Variants in ATP9A observed in about 807,000 individuals in gnomAD.
The protein encoded by ATP9A is ATPase phospholipid transporting 9A.
A neutral mutation model predicts 144.1 loss-of-function variants in ATP9A; 52 were observed. The ratio of observed to expected loss-of-function variants is 0.36; its 90% confidence interval spans 0.29 to 0.45. The LOEUF is 0.45. Ranked by LOEUF, ATP9A falls within the 20% of genes least tolerant of loss-of-function variation. The pLI is 1.00. For synonymous variants in ATP9A, 582 were observed against 557.4 expected, an observed-to-expected ratio of 1.04 and a Z score of -0.62; for missense variants, 947 against 1,392.7, an observed-to-expected ratio of 0.68 and a Z score of 5.09.
intron 4 of ATP9A, among the ~76,000 whole-genome samples, chr20:51,699,333 C>CAAAAAAA (rs74175569): frequency 1.1e-4 from 8 of 70,390 alleles, no homozygotes; most frequent in African/African-American, 2.1e-4. Flanking sequence ...AACTCAATCT[C>CAAAAAAA]AAAAAAAAAA....
At chr20:51,676,370 C>T (rs1426675890) in intron 9 of ATP9A, among the ~76,000 whole-genome samples, 162 bp from the exon 10 acceptor site, 1 of 151,208 alleles carries the variant, frequency 6.6e-6, no homozygotes, top group Non-Finnish European at 1.5e-5. Flanking sequence ...AGTGCAGTGG[C>T]ACAACATGGG....
At position 51,601,143 on chromosome 20, in the gene ATP9A, AAATGG is replaced by A. The variant is rs1192845239; in HGVS notation, c.*63_*67del. On this transcript the variant is annotated 3_prime_UTR_variant, in exon 28 of 28. Coordinates refer to ENST00000338821, the MANE Select transcript of ATP9A (RefSeq NM_006045.3). ...AAAATCCACAGGTGGCGGTTAATAT[AAATGG>A]AACTTGAGCTCTGTCCATCAGGGAA... The A allele has an allele frequency of 6.7e-7, 1 of 1,499,354 alleles. No individual in the cohort carries two copies. The highest frequency in any genetic ancestry group is 8.9e-7 in the Non-Finnish European group (1 of 1,120,466). 92.9% of individuals were successfully genotyped at this position (1,499,354 alleles called of 1,614,324 possible). A position where few individuals can be genotyped will look rare whatever the true frequency, so the allele number is the denominator to read the frequency against.
chr20:51,627,359 T>C (rs1370576107), intron 17 of ATP9A, among the ~76,000 whole-genome samples: 1 of 152,124 alleles, frequency 6.6e-6, no homozygotes, highest in African/African-American at 2.4e-5. Context: ...GGAAGACTTC[T>C]TGGAGGACGT....
intron 1 of ATP9A, among the ~76,000 whole-genome samples, chr20:51,753,400 G>A (rs765118461): frequency 9.9e-5 from 15 of 151,846 alleles, no homozygotes; most frequent in African/African-American, 2.4e-4. Context: ...GCAGTGAGCC[G>A]AAATCATGCC....
chr20:51,633,741 G>A (rs1386866719), intron 15 of ATP9A, among the ~76,000 whole-genome samples: 1 of 149,700 alleles, frequency 6.7e-6, no homozygotes, highest in Admixed American at 6.8e-5. Context: ...GTGAGACTCT[G>A]TCTTGAGAAA....
chr20:51,720,180 A>G (rs780776128), intron 3 of ATP9A, among the ~76,000 whole-genome samples: 16 of 152,234 alleles, frequency 1.1e-4, no homozygotes, highest in Non-Finnish European at 1.6e-4. Flanking sequence ...CAAAAGGAAC[A>G]TTTGTATATT....
intron 1 of ATP9A, among the ~76,000 whole-genome samples, chr20:51,747,735 A>G (rs913235049): frequency 6.6e-6 from 1 of 152,042 alleles, no homozygotes; most frequent in Non-Finnish European, 1.5e-5. Flanking sequence ...GCTGCTCAGC[A>G]GACCTGACTC....
At chr20:51,751,733 G>A (rs1032601787) in intron 1 of ATP9A, among the ~76,000 whole-genome samples, 195 of 152,162 alleles carry the variant, frequency 1.3e-3, no homozygotes, top group Non-Finnish European at 2.1e-3. Context: ...GACTGCAGGC[G>A]CCCACCACCA....
intron 9 of ATP9A, among the ~76,000 whole-genome samples, chr20:51,682,538 G>C (rs1001726888): frequency 7.6e-6 from 1 of 131,030 alleles, no homozygotes; most frequent in Admixed American, 8.2e-5. Context: ...ATTTGACCCA[G>C]ACATCCTCTG....
At chr20:51,713,670 C>T (rs989108321) in intron 3 of ATP9A, among the ~76,000 whole-genome samples, 1 of 152,124 alleles carries the variant, frequency 6.6e-6, no homozygotes, top group Non-Finnish European at 1.5e-5. Context: ...AGAGGGACCA[C>T]CAGGCAACAG....
intron 1 of ATP9A, among the ~76,000 whole-genome samples, chr20:51,747,246 C>T (rs943462463): frequency 6.6e-6 from 1 of 152,092 alleles, no homozygotes; most frequent in African/African-American, 2.4e-5. Context: ...ATATCAATCA[C>T]CTCATGAGAA....
chr20:51,692,484 TGGGGCTGGAGGGGGAGCGTG>T (rs2077552644), intron 7 of ATP9A, among the ~76,000 whole-genome samples: 1 of 151,948 alleles, frequency 6.6e-6, no homozygotes, highest in Non-Finnish European at 1.5e-5. Flanking sequence ...TCACGTGAAG[TGGGGCTGGAGGGGGAGCGTG>T]GGGTCCTGGA....
chr20:51,607,501 A>C lies in ATP9A; in HGVS notation c.2803+26T>G, dbSNP rs140801520. On this transcript the variant is annotated intron_variant, in intron 26 of 27. Coordinates refer to ENST00000338821, the MANE Select transcript of ATP9A (RefSeq NM_006045.3). ...CTGAGTCAGTACCAGAGCACAAGACAAACAGGTGTCTCCACTCATCCTTAC... is the reference window on the plus strand; with the variant it reads ...CTGAGTCAGTACCAGAGCACAAGACCAACAGGTGTCTCCACTCATCCTTAC... 3.0e-4 allele frequency: 477 copies of C among 1,589,516 alleles called. 1 individual carries two copies. The East Asian group carries it at 9.7e-3, about 32-fold the overall frequency.
At position 51,690,767 on chromosome 20, in the gene ATP9A, A is replaced by C. The variant is rs1273147374; in HGVS notation, c.695T>G (p.Ile232Ser). The change falls in exon 8 of 28, where the codon ATT becomes AGT. Residue 232 changes from isoleucine (I) to serine (S), a missense_variant. Ile to Ser is a moderately radical substitution (Grantham distance 142, BLOSUM62 -2). This residue lies in a region of ATP9A where 770 missense variants were observed against 1,047.9 expected (regional missense o/e 0.73). Transcript: ENST00000338821. ...YVYAEEPNID[I>S]HNFVGTFTRE... ...GGTAAAAGTTCCCACGAAGTTGTGAATGTCAATATTTGGCTCTTCTGCGTA... is the reference window on the plus strand; with the variant it reads ...GGTAAAAGTTCCCACGAAGTTGTGACTGTCAATATTTGGCTCTTCTGCGTA... The C allele has an allele frequency of 6.2e-7, 1 of 1,614,194 alleles. No homozygotes were observed. The highest frequency in any genetic ancestry group is 1.3e-5 in the African/African-American group (1 of 75,052).
chr20:51,690,401 C>T (rs2122817644), intron 8 of ATP9A, among the ~76,000 whole-genome samples: 1 of 152,118 alleles, frequency 6.6e-6, no homozygotes, highest in East Asian at 1.9e-4. Context: ...GCCTGGGCAA[C>T]AGAGCAAGAC....
intron 15 of ATP9A, among the ~76,000 whole-genome samples, chr20:51,633,077 T>C (rs1028563153): frequency 6.6e-5 from 10 of 151,958 alleles, no homozygotes; most frequent in Non-Finnish European, 8.8e-5. Context: ...TGAGCTGAGA[T>C]TGCACCACTG....
intron 14 of ATP9A, among the ~76,000 whole-genome samples, chr20:51,646,095 T>G (rs1182424322): frequency 6.6e-6 from 1 of 152,162 alleles, no homozygotes; most frequent in Non-Finnish European, 1.5e-5. Flanking sequence ...GTTTTCTCCT[T>G]TGGGTGACAA....
chr20:51,697,029 G>C (rs13044013), intron 5 of ATP9A, among the ~76,000 whole-genome samples: 5,432 of 152,226 alleles, frequency 0.036, 135 homozygotes, highest in African/African-American at 0.067. Context: ...ACAATGGTTA[G>C]GTCAGGAAAT....
chr20:51,619,801 G>A (rs2077219087), intron 19 of ATP9A, among the ~76,000 whole-genome samples: 1 of 150,374 alleles, frequency 6.7e-6, no homozygotes, highest in African/African-American at 2.5e-5. Flanking sequence ...CCTGGGAGGT[G>A]GAGGTTGCGG....
Sources: gnomAD v4.1 joint callset for allele counts (sites outside exome capture counted in the v4.1 genomes callset) on GRCh38, gnomAD v4.1.1 for gene constraint, gnomAD v4.1.1 regional missense constraint, MANE v1.5 for transcripts, NCBI Gene and HGNC (gene_info 2026-07-23, HGNC 2026-07-21) for gene names.